GON4L: variants seen among roughly 807,000 people sequenced by gnomAD.
GON4L encodes the protein GON-4-like protein.
A neutral mutation model predicts 211.8 loss-of-function variants in GON4L; 87 were observed. The ratio of observed to expected loss-of-function variants is 0.41; its 90% confidence interval spans 0.35 to 0.49. The LOEUF (loss-of-function observed/expected upper bound fraction) is 0.49. Among genes scored for constraint, GON4L ranks in the 20% least tolerant of loss-of-function variants. GON4L has a pLI of 0.15. For missense variants in GON4L, 2,155 were observed against 2,659.5 expected (o/e 0.81, Z 4.17); for synonymous variants, 875 against 962.6 (o/e 0.91, Z 1.68).
downstream of GON4L, among the ~76,000 whole-genome samples, chr1:155,745,228 T>C (rs574346202): frequency 1.2e-3 from 180 of 152,192 alleles, no homozygotes; most frequent in African/African-American, 4.2e-3. Context: ...GCATAAACCA[T>C]ATTGAGCAAA....
At chr1:155,850,225 T>C (rs1671652617) in intron 2 of GON4L, among the ~76,000 whole-genome samples, 1 of 152,204 alleles carries the variant, frequency 6.6e-6, no homozygotes, top group Non-Finnish European at 1.5e-5. Context: ...TTTATTTATG[T>C]GATCAAAAGT....
At chr1:155,764,783 A>G in intron 21 of GON4L, 2 of 1,296,658 alleles carry the variant, frequency 1.5e-6, no homozygotes, top group Non-Finnish European at 1.1e-6. Flanking sequence ...AGGTGATTCA[A>G]TTTAATGTGT....
At chr1:155,818,677 T>A (rs898581787) in intron 6 of GON4L, among the ~76,000 whole-genome samples, 1 of 152,184 alleles carries the variant, frequency 6.6e-6, no homozygotes, top group African/African-American at 2.4e-5. Context: ...AAACCATATC[T>A]GGTTCAGTAG....
Position 155,762,352 on chromosome 1 carries a change from T to G in GON4L, c.4749A>C (p.Gly1583=), listed in dbSNP as rs751653350. Residue 1583 remains glycine, a synonymous_variant, in exon 23 of 32, where the codon GGA becomes GGC. Coordinates refer to ENST00000368331, the MANE Select transcript of GON4L (RefSeq NM_001282860.2). ...GAGCTCGATGATTGTTCCGGCCTTT[T>G]CCAGCAGCTTTGATGCTCTCTCCTT... ...TPPGESIKAA[G]KGRNNHRARN... The G allele has an allele frequency of 1.8e-5, 29 of 1,611,734 alleles. No individual in the cohort carries two copies. Among genetic ancestry groups the G allele is most frequent in the Non-Finnish European group, 2.3e-5 (27 of 1,178,102 alleles).
intron 19 of GON4L, among the ~76,000 whole-genome samples, chr1:155,768,709 T>C (rs1383282098): frequency 6.6e-6 from 1 of 151,164 alleles, no homozygotes; most frequent in Admixed American, 6.6e-5. Context: ...CCTCCCAAAG[T>C]GCTGGGATTA....
At chr1:155,792,595 C>T (rs1665706582) in intron 12 of GON4L, among the ~76,000 whole-genome samples, 1 of 152,104 alleles carries the variant, frequency 6.6e-6, no homozygotes, top group Non-Finnish European at 1.5e-5. Flanking sequence ...TCAATCCTAA[C>T]GAAGGAGGAT....
At chr1:155,833,474 A>G (rs1351791641) in intron 2 of GON4L, among the ~76,000 whole-genome samples, 1 of 151,342 alleles carries the variant, frequency 6.6e-6, no homozygotes, top group Non-Finnish European at 1.5e-5. Flanking sequence ...GGGAAACCCC[A>G]TCTCTACTAA....
At chr1:155,837,951 A>G (rs984934897) in intron 2 of GON4L, among the ~76,000 whole-genome samples, 2 of 152,172 alleles carry the variant, frequency 1.3e-5, no homozygotes, top group East Asian at 1.9e-4. Context: ...ATCCTTTGGT[A>G]AATAAAACTT....
At chr1:155,838,428 G>C (rs1394457786) in intron 2 of GON4L, among the ~76,000 whole-genome samples, 9 of 152,104 alleles carry the variant, frequency 5.9e-5, no homozygotes, top group Admixed American at 5.2e-4. Context: ...CTAATGTTCA[G>C]AGTTTAAAAA....
intron 14 of GON4L, among the ~76,000 whole-genome samples, chr1:155,783,366 C>T (rs1664611095): frequency 6.6e-6 from 1 of 152,172 alleles, no homozygotes; most frequent in Admixed American, 6.6e-5. Flanking sequence ...ATGGCACAAA[C>T]TGCATCCTGA....
At chr1:155,854,998 T>C (rs555785472) in intron 1 of GON4L, among the ~76,000 whole-genome samples, 140 of 150,174 alleles carry the variant, frequency 9.3e-4, no homozygotes, top group African/African-American at 3.3e-3. Context: ...CACTCCCCAT[T>C]GCACTCCAGC....
intron 17 of GON4L, among the ~76,000 whole-genome samples, chr1:155,773,827 A>T (rs2101822171): frequency 6.6e-6 from 1 of 152,266 alleles, no homozygotes; most frequent in African/African-American, 2.4e-5. Flanking sequence ...TCCTTCCATA[A>T]GTGTTATTTT....
At chr1:155,748,170 G>A, downstream of GON4L, 24 of 1,515,238 alleles carry the variant, frequency 1.6e-5, no homozygotes, top group Non-Finnish European at 2.1e-5. Context: ...AGGCTACAGG[G>A]CCTCCTCATG....
intron 12 of GON4L, among the ~76,000 whole-genome samples, chr1:155,786,530 T>TAAA (rs1209911080): frequency 6.7e-6 from 1 of 148,804 alleles, no homozygotes; most frequent in Admixed American, 6.7e-5. Context: ...GATATTGTCT[T>TAAA]AAAAAAAAAA....
chr1:155,794,577 C>A (rs1665902416), intron 12 of GON4L, among the ~76,000 whole-genome samples: 1 of 152,140 alleles, frequency 6.6e-6, no homozygotes, highest in African/African-American at 2.4e-5. Context: ...CACCAAATTT[C>A]TTATTCCTCC....
chr1:155,813,565 T>G (rs748034708), intron 10 of GON4L, 69 bp downstream of exon 10: 3 of 1,179,856 alleles, frequency 2.5e-6, no homozygotes, highest in Non-Finnish European at 3.8e-6. Context: ...TTCCTCTCCC[T>G]TCCCAGCCTG....
chr1:155,802,318 G>T (rs1666747991), intron 11 of GON4L, among the ~76,000 whole-genome samples: 1 of 146,018 alleles, frequency 6.8e-6, no homozygotes, highest in African/African-American at 2.5e-5. Flanking sequence ...TCCTTGGGGG[G>T]GGGGAAGGCT....
At chr1:155,752,705 C>T (rs1660732355) in intron 29 of GON4L, 115 bp from the exon 30 acceptor site, 15 of 1,491,928 alleles carry the variant, frequency 1.0e-5, no homozygotes, top group Admixed American at 7.9e-5. Context: ...GAGGGCTGGG[C>T]ATGGTGGCTC....
intron 19 of GON4L, among the ~76,000 whole-genome samples, chr1:155,768,665 G>T (rs1315079474): frequency 2.0e-5 from 3 of 150,432 alleles, no homozygotes; most frequent in Non-Finnish European, 3.0e-5. Flanking sequence ...GGCTGGTCTT[G>T]AACTCCTGGG....
Sources: gnomAD v4.1 joint callset for allele counts (sites outside exome capture counted in the v4.1 genomes callset) on GRCh38, gnomAD v4.1.1 for gene constraint, MANE v1.5 for transcripts, NCBI Gene and HGNC (gene_info 2026-07-23, HGNC 2026-07-21) for gene names.